Variants in MAP3K8 observed in about 807,000 individuals in gnomAD.
MAP3K8 encodes the protein Ewing sarcoma transformant.
Under a neutral mutation model 45.8 loss-of-function variants are expected in MAP3K8, and 22 were observed. The observed-to-expected ratio is 0.48, with a 90% CI of 0.34 to 0.69. The LOEUF (loss-of-function observed/expected upper bound fraction) is 0.69. Ranked by LOEUF, MAP3K8 falls within the 30% of genes least tolerant of loss-of-function variation. The probability of loss-of-function intolerance (pLI) is 0.01; values close to 1 mark genes in which losing one functional copy is unlikely to be tolerated. For synonymous variants in MAP3K8, 223 were observed against 214.3 expected (o/e 1.04, Z -0.36); for missense variants, 419 against 585.0 (o/e 0.72, Z 2.93).
intron 6 of MAP3K8, among the ~76,000 whole-genome samples, chr10:30,457,097 A>G (rs75235117): frequency 6.6e-6 from 1 of 151,490 alleles, no homozygotes; most frequent in Non-Finnish European, 1.5e-5. Context: ...AAAAAAAAAA[A>G]GCCAAAGTGC....
intron 4 of MAP3K8, 111 bp downstream of exon 4, chr10:30,448,060 T>G: frequency 1.0e-6 from 1 of 964,546 alleles, no homozygotes; most frequent in Non-Finnish European, 1.5e-6. Context: ...GGGTCTTATC[T>G]GAGGGTGCAC....
chr10:30,441,614 A>T (rs1836112534), intron 3 of MAP3K8, among the ~76,000 whole-genome samples: 1 of 152,208 alleles, frequency 6.6e-6, no homozygotes, highest in Non-Finnish European at 1.5e-5. Flanking sequence ...AATCTATTGG[A>T]TCTTAGATAT....
At position 30,439,293 on chromosome 10, in the gene MAP3K8, A is replaced by T. The variant is rs144299935; in HGVS notation, c.336+19A>T. 1.8e-4 allele frequency: 289 copies of T among 1,613,848 alleles called. No individual in the cohort carries two copies. The African/African-American group carries it at 3.5e-3, about 19-fold the overall frequency. ...AAACATGGTACGTTTCTTTCCGATC[A>T]GTTGGGTGCTATGTGCTCAGCTTTC... On this transcript the variant is annotated intron_variant, in intron 3 of 8. Coordinates refer to ENST00000263056, the MANE Select transcript of MAP3K8 (RefSeq NM_005204.4).
At chr10:30,443,716 A>G (rs2132794876) in intron 3 of MAP3K8, among the ~76,000 whole-genome samples, 1 of 151,332 alleles carries the variant, frequency 6.6e-6, no homozygotes, top group East Asian at 1.9e-4. Context: ...TGTGGAATCT[A>G]TTCTTACTAT....
At chr10:30,444,070 G>A (rs994293659) in intron 3 of MAP3K8, among the ~76,000 whole-genome samples, 1 of 151,870 alleles carries the variant, frequency 6.6e-6, no homozygotes, top group East Asian at 1.9e-4. Flanking sequence ...CACACGTGTA[G>A]TCCCAGCTAC....
chr10:30,458,285 T>A, intron 7 of MAP3K8, 49 bp downstream of exon 7: 1 of 1,255,440 alleles, frequency 8.0e-7, no homozygotes, highest in Non-Finnish European at 1.1e-6. Context: ...GGGCGTTGAG[T>A]TATGCATCCC....
At chr10:30,452,058 G>T (rs1013263660) in intron 6 of MAP3K8, among the ~76,000 whole-genome samples, 1 of 152,102 alleles carries the variant, frequency 6.6e-6, no homozygotes, top group Non-Finnish European at 1.5e-5. Flanking sequence ...CATTGGCCAG[G>T]TGTGGTGGCT....
chr10:30,443,282 G>A (rs1836178083), intron 3 of MAP3K8, among the ~76,000 whole-genome samples: 1 of 152,208 alleles, frequency 6.6e-6, no homozygotes, highest in Admixed American at 6.5e-5. Flanking sequence ...CCATAGAGTT[G>A]ATATTTGGAG....
chr10:30,437,971 G>C (rs1016690678), intron 2 of MAP3K8, among the ~76,000 whole-genome samples: 1 of 152,190 alleles, frequency 6.6e-6, no homozygotes, highest in Non-Finnish European at 1.5e-5. Flanking sequence ...GAGTAACAAC[G>C]TCAGTTTTTA....
In MAP3K8 at chr10:30,437,426, C is replaced by T. The variant is rs1489321540; in HGVS notation, c.-24+20C>T. ...CATGAGGTAGGTGCTGTTATTACTT[C>T]CATTTTACAGATGGGGAAAATTGAG... On this transcript the variant is annotated intron_variant, in intron 2 of 8. Transcript: ENST00000263056. The T allele has an allele frequency of 3.9e-6, 2 of 516,402 alleles. No individual in the cohort carries two copies. Among genetic ancestry groups the T allele is most frequent in the South Asian group, 8.2e-5 (1 of 12,124 alleles). The allele number at this position is 516,402 out of a possible 1,614,324, so 32.0% of individuals were successfully genotyped here.
At chr10:30,458,331 AC>A in intron 7 of MAP3K8, 95 bp downstream of exon 7, 2 of 773,574 alleles carry the variant, frequency 2.6e-6, no homozygotes, top group Non-Finnish European at 3.7e-6. Context: ...CTTCTATACC[AC>A]CCCCATCTGA....
intron 1 of MAP3K8, chr10:30,434,620 C>T (rs1835852756): frequency 1.0e-6 from 1 of 985,934 alleles, no homozygotes; most frequent in South Asian, 4.7e-5. Flanking sequence ...CCTTCCTCCT[C>T]CTTCCCGTAT....
At chr10:30,449,576 A>C (rs1248241788) in intron 4 of MAP3K8, among the ~76,000 whole-genome samples, 2 of 152,240 alleles carry the variant, frequency 1.3e-5, no homozygotes, top group African/African-American at 4.8e-5. Context: ...TGATTTAACA[A>C]AAAATAAAAT....
At chr10:30,452,826 C>T (rs1244476078) in intron 6 of MAP3K8, among the ~76,000 whole-genome samples, 1 of 140,380 alleles carries the variant, frequency 7.1e-6, no homozygotes, top group African/African-American at 2.7e-5. Flanking sequence ...CAGGCATGTG[C>T]CACCACATCC....
intron 3 of MAP3K8, among the ~76,000 whole-genome samples, chr10:30,446,801 A>G (rs1309239332): frequency 6.6e-6 from 1 of 152,140 alleles, no homozygotes; most frequent in East Asian, 1.9e-4. Flanking sequence ...TCAAATACAC[A>G]GATGTTAAAT....
intron 1 of MAP3K8, chr10:30,434,811 A>AAAT (rs1835861572): frequency 1.0e-6 from 1 of 979,862 alleles, no homozygotes; most frequent in South Asian, 4.7e-5. Context: ...TTGATAATTT[A>AAAT]TAAGCCTTTT....
chr10:30,454,733 T>C (rs756500612), intron 6 of MAP3K8, among the ~76,000 whole-genome samples: 11 of 151,982 alleles, frequency 7.2e-5, no homozygotes, highest in Non-Finnish European at 1.6e-4. Context: ...AGAACAATAT[T>C]CAGAAGGGAA....
chr10:30,453,918 A>AGGAG (rs1836641015), intron 6 of MAP3K8, among the ~76,000 whole-genome samples: 1 of 28,994 alleles, frequency 3.4e-5, no homozygotes, highest in Non-Finnish European at 2.7e-4. Flanking sequence ...GAGAGAGAGA[A>AGGAG]GGAAGGAAGG....
chr10:30,438,312 G>A (rs1301664216), intron 2 of MAP3K8, among the ~76,000 whole-genome samples: 1 of 152,158 alleles, frequency 6.6e-6, no homozygotes, highest in Non-Finnish European at 1.5e-5. Flanking sequence ...CCAATTAGCT[G>A]TTTAACTCAT....
Sources: gnomAD v4.1 joint callset for allele counts (sites outside exome capture counted in the v4.1 genomes callset) on GRCh38, gnomAD v4.1.1 for gene constraint, MANE v1.5 for transcripts, NCBI Gene and HGNC (gene_info 2026-07-23, HGNC 2026-07-21) for gene names.